PADI3: variants seen among roughly 807,000 people sequenced by gnomAD.
PADI3 encodes the protein protein-arginine deiminase type-3.
Under a neutral mutation model 71.5 loss-of-function variants are expected in PADI3, and 53 were observed. That is an observed-to-expected ratio of 0.74 (90% confidence interval 0.59 to 0.93). The LOEUF is 0.93. Ranked by LOEUF, PADI3 falls within the 40% of genes least tolerant of loss-of-function variation. The probability of loss-of-function intolerance (pLI) is 0.00; values close to 1 mark genes in which losing one functional copy is unlikely to be tolerated. For synonymous variants in PADI3, 361 were observed against 347.5 expected (o/e 1.04, Z -0.43); for missense variants, 821 against 868.0 (o/e 0.95, Z 0.68).
At position 17,283,032 on chromosome 1, in the gene PADI3, G is replaced by A. The variant is rs745853286; in HGVS notation, c.1948G>A (p.Val650Met). The A allele has an allele frequency of 3.7e-6, 6 of 1,614,224 alleles. No individual in the cohort carries two copies. The highest frequency in any genetic ancestry group is 5.1e-6 in the Non-Finnish European group (6 of 1,180,032). The change falls in exon 16 of 16, where the codon GTG (valine) becomes ATG (methionine). Residue 650 changes from valine to methionine, a missense_variant. Physicochemically the swap from Val to Met is conservative, Grantham distance 21. Transcript: ENST00000375460. Reference sequence around the variant, plus strand: ...TGGGGAGGTGCACTGTGGCACCAATGTGTGCAGAAAGCCCTTCTCTTTCAA... The same window carrying A: ...TGGGGAGGTGCACTGTGGCACCAATATGTGCAGAAAGCCCTTCTCTTTCAA... ...LHGEVHCGTN[V>M]CRKPFSFKWW...
chr1:17,282,757 T>C (rs1051699006), intron 15 of PADI3, 89 bp from the exon 16 acceptor site: 3 of 953,520 alleles, frequency 3.1e-6, no homozygotes, highest in African/African-American at 3.3e-5. Context: ...GACAAGGCTG[T>C]CTAAAACACA....
Position 17,249,135 on chromosome 1 carries a change from A to C in PADI3, c.-3A>C. 2 of 1,614,024 alleles carry C rather than the reference A, an allele frequency of 1.2e-6. No individual in the cohort carries two copies. Among genetic ancestry groups the C allele is most frequent in the Middle Eastern group, 1.6e-4 (1 of 6,062 alleles). On this transcript the variant is annotated 5_prime_UTR_variant, in exon 1 of 16. Coordinates refer to ENST00000375460, the MANE Select transcript of PADI3 (RefSeq NM_016233.2). ...GGCGGCCACAGCTAAGTCCAACACC[A>C]GCATGTCGCTGCAGAGAATCGTGCG...
intron 1 of PADI3, 147 bp downstream of exon 1, chr1:17,249,376 C>A: frequency 1.5e-6 from 1 of 684,416 alleles, no homozygotes; most frequent in South Asian, 1.7e-5. Context: ...TTGGGTCCTC[C>A]TCTTGCTCTA....
rs201246013 is a variant in PADI3 at position 17,252,398 on chromosome 1, TTC to T, written c.92+3171_92+3172del. Among the ~76,000 whole-genome samples the T allele has an allele frequency of 2.4e-3, 125 of 51,872 alleles. 9 individuals carry two copies. Among genetic ancestry groups the T allele is most frequent in the Non-Finnish European group, 2.9e-3 (60 of 20,428 alleles). The allele number at this position is 51,872 out of a possible 152,430, so 34.0% of individuals were successfully genotyped here. A position where few individuals can be genotyped will look rare whatever the true frequency, so the allele number is the denominator to read the frequency against. The stretch of plus-strand genomic sequence containing the variant: ...GGAAGAAAGCTGCTTTCTTTTCTTC[TTC>T]TTTTTTTTTTTTTTTTGTTGAAGAC... On this transcript the variant is annotated intron_variant, in intron 1 of 15. Transcript: ENST00000375460.
chr1:17,280,319 T>G, intron 13 of PADI3, 31 bp from the exon 14 acceptor site: 3 of 1,577,728 alleles, frequency 1.9e-6, no homozygotes, highest in Non-Finnish European at 2.6e-6. Context: ...GTGCTGTCCC[T>G]GTCCTTCTCT....
At chr1:17,282,504 G>C (rs1194815391) in intron 15 of PADI3, among the ~76,000 whole-genome samples, 1 of 152,102 alleles carries the variant, frequency 6.6e-6, no homozygotes, top group Non-Finnish European at 1.5e-5. Context: ...GACTCTGATT[G>C]GTCCATCTTG....
rs2073385670 is a variant in PADI3 at position 17,280,404 on chromosome 1, T to C, written c.1610T>C (p.Leu537Pro). 3 of 1,613,792 alleles carry C rather than the reference T, an allele frequency of 1.9e-6. No homozygotes were observed. The highest frequency in any genetic ancestry group is 2.5e-6 in the Non-Finnish European group (3 of 1,179,798). The change falls in exon 14 of 16, where the codon CTC (leucine) becomes CCC (proline). Residue 537 changes from leucine (L) to proline (P), a missense_variant. Physicochemically the swap from Leu to Pro is moderately conservative, Grantham distance 98 (BLOSUM62 -3). Coordinates refer to ENST00000375460, the MANE Select transcript of PADI3 (RefSeq NM_016233.2). Reference protein sequence around the residue: ...SINQVLSNKDLINYNKFVQSC... With the variant: ...SINQVLSNKDPINYNKFVQSC... ...AACCAGGTGCTCTCCAATAAAGACCTCATCAACTACAATAAGTTTGTGCAG... is the reference window on the plus strand; with the variant it reads ...AACCAGGTGCTCTCCAATAAAGACCCCATCAACTACAATAAGTTTGTGCAG...
At position 17,262,553 on chromosome 1, in the gene PADI3, A is replaced by T. The variant is rs3003427; in HGVS notation, c.346+348A>T. 2.0e-5 allele frequency among the ~76,000 whole-genome samples: 3 copies of T among 152,162 alleles called. No homozygotes were observed. In the South Asian group the frequency reaches 6.2e-4, roughly 32 times the overall value. ...TATCAGACAGGGCATGCAAAGTAAT[A>T]GTGATTAATATGTTAAGGGTTCTAG... On this transcript the variant is annotated intron_variant, in intron 3 of 15. Coordinates refer to ENST00000375460, the MANE Select transcript of PADI3 (RefSeq NM_016233.2).
At chr1:17,265,929 C>G (rs2073162453) in intron 4 of PADI3, among the ~76,000 whole-genome samples, 1 of 152,220 alleles carries the variant, frequency 6.6e-6, no homozygotes. Flanking sequence ...TGGAGGTACC[C>G]AGCCCTGAGC....
intron 1 of PADI3, among the ~76,000 whole-genome samples, chr1:17,258,515 A>G (rs2073056122): frequency 6.6e-6 from 1 of 152,254 alleles, no homozygotes; most frequent in Admixed American, 6.5e-5. Context: ...TTAAACCTGC[A>G]ATTAATTTCT....
intron 5 of PADI3, among the ~76,000 whole-genome samples, 190 bp downstream of exon 5, chr1:17,267,026 A>C (rs1206245418): frequency 6.6e-6 from 1 of 152,168 alleles, no homozygotes; most frequent in Non-Finnish European, 1.5e-5. Context: ...CTCTAGGGCC[A>C]GTGAGCACTC....
Position 17,259,743 on chromosome 1 carries a change from C to T in PADI3, c.258C>T (p.Asp86=). 6.2e-7 allele frequency: 1 copy of T among 1,605,600 alleles called. No individual in the cohort carries two copies. Among genetic ancestry groups the T allele is most frequent in the South Asian group, 1.1e-5 (1 of 90,226 alleles). ...IIVVMNSPSN[D]LNDSHVQISY... is the part of the protein sequence containing the mutation. The stretch of plus-strand genomic sequence containing the variant: ...TGGTCATGAACTCCCCCAGCAATGA[C>T]CTCAACGACAGCCATGTGAGCTGGT... The change falls in exon 2 of 16, where the codon GAC becomes GAT. Residue 86 remains aspartate, a synonymous_variant. Transcript: ENST00000375460.
At chr1:17,262,910 T>TTTTG (rs71575819) in intron 3 of PADI3, among the ~76,000 whole-genome samples, 26,405 of 151,940 alleles carry the variant, frequency 0.17, 2,528 homozygotes, top group South Asian at 0.22. Context: ...AACGTGGCTT[T>TTTTG]TTTGTTTGTT....
chr1:17,262,310 A>C, intron 3 of PADI3, 105 bp downstream of exon 3: 1 of 793,362 alleles, frequency 1.3e-6, no homozygotes, highest in East Asian at 3.0e-5. Context: ...CCTCCAACTC[A>C]AGACTTCTAG....
chr1:17,259,847 C>A, intron 2 of PADI3, 89 bp downstream of exon 2: 1 of 1,168,628 alleles, frequency 8.6e-7, no homozygotes, highest in Non-Finnish European at 1.2e-6. Flanking sequence ...TTCTCCAGAG[C>A]GCAGGGCAAC....
At chr1:17,249,523 T>C (rs1364311778) in intron 1 of PADI3, among the ~76,000 whole-genome samples, 1 of 152,096 alleles carries the variant, frequency 6.6e-6, no homozygotes, top group African/African-American at 2.4e-5. Flanking sequence ...CTTTTCTATG[T>C]CCAAGGGATG....
Position 17,274,713 on chromosome 1 carries a change from G to A in PADI3, c.1234G>A (p.Val412Ile), listed in dbSNP as rs2073303534. ...SGLDSFGNLE[V>I]SPPVVANGKE... Reference sequence around the variant, plus strand: ...CCTGGACTCCTTTGGGAACCTGGAGGTCAGCCCTCCAGTGGTGGCCAATGG... The same window carrying A: ...CCTGGACTCCTTTGGGAACCTGGAGATCAGCCCTCCAGTGGTGGCCAATGG... Residue 412 changes from valine to isoleucine, a missense_variant, in exon 11 of 16, where the codon GTC becomes ATC. By Grantham distance (29) the Val-to-Ile change is conservative (BLOSUM62 3). Coordinates refer to ENST00000375460, the MANE Select transcript of PADI3 (RefSeq NM_016233.2). 1 of 1,614,052 alleles carries A rather than the reference G, an allele frequency of 6.2e-7. No homozygotes were observed. The highest frequency in any genetic ancestry group is 8.5e-7 in the Non-Finnish European group (1 of 1,179,962).
chr1:17,270,357 C>T lies in PADI3; in HGVS notation c.777C>T (p.Ala259=), dbSNP rs139705029. 3.6e-5 allele frequency: 58 copies of T among 1,613,810 alleles called. No individual in the cohort carries two copies. Among genetic ancestry groups the T allele is most frequent in the East Asian group, 8.9e-5 (4 of 44,888 alleles). ...TGGAAGGCCTGTCCTTCCCTGATGCCGGCTTCACAGGACTCATCTCCTTCC... is the reference window on the plus strand; with the variant it reads ...TGGAAGGCCTGTCCTTCCCTGATGCTGGCTTCACAGGACTCATCTCCTTCC... The part of the protein sequence containing the change: ...FFVEGLSFPD[A]GFTGLISFHV... The change falls in exon 7 of 16, where the codon GCC becomes GCT. Residue 259 remains alanine, a synonymous_variant. Coordinates refer to ENST00000375460, the MANE Select transcript of PADI3 (RefSeq NM_016233.2).
intron 6 of PADI3, among the ~76,000 whole-genome samples, chr1:17,268,421 C>T (rs2073200359): frequency 6.6e-6 from 1 of 150,746 alleles, no homozygotes; most frequent in South Asian, 2.1e-4. Flanking sequence ...TTTACATAGT[C>T]TGCCAAAATC....
Sources: allele counts gnomAD v4.1 joint callset (sites outside exome capture counted in the v4.1 genomes callset), GRCh38; gene constraint gnomAD v4.1.1; transcripts MANE v1.5; gene names NCBI Gene and HGNC (gene_info 2026-07-23, HGNC 2026-07-21).